XPC: variants seen among roughly 807,000 people sequenced by gnomAD.
XPC encodes the protein XPC complex subunit, DNA damage recognition and repair factor.
In XPC, 76 loss-of-function variants were observed where a neutral mutation model predicts 95.8. The observed-to-expected ratio is 0.79, with a 90% CI of 0.66 to 0.96. XPC has a LOEUF of 0.96. Among genes scored for constraint, XPC ranks in the 40% least tolerant of loss-of-function variants. XPC has a pLI of 0.00. For synonymous variants in XPC, 442 were observed against 442.1 expected, an observed-to-expected ratio of 1.00 and a Z score of 0.00; for missense variants, 1,146 against 1,179.8, an observed-to-expected ratio of 0.97 and a Z score of 0.42.
rs774552303 is a variant in XPC at position 14,148,609 on chromosome 3, G to C, written c.2373C>G (p.Val791=). ...GGAAATCAAAGCCAGTGATGGCCTG[G>C]ACACAGTCGATGTCCAGCTTGCGGG... ...RVARKLDIDC[V]QAITGFDFHG... Residue 791 remains valine (V), a synonymous_variant, in exon 13 of 16, where the codon GTC becomes GTG. Transcript: ENST00000285021. 2.8e-5 allele frequency: 45 copies of C among 1,613,924 alleles called. No individual in the cohort carries two copies. The highest frequency in any genetic ancestry group is 3.6e-5 in the Non-Finnish European group (42 of 1,179,906).
intron 14 of XPC, chr3:14,147,622 G>A (rs1239554387): frequency 1.5e-5 from 9 of 602,134 alleles, no homozygotes; most frequent in Non-Finnish European, 2.6e-5. Flanking sequence ...TAGTGGGTGA[G>A]GTCTTCCAGA....
At chr3:14,146,206 C>A in intron 15 of XPC, 47 bp from the exon 16 acceptor site, 2 of 1,532,504 alleles carry the variant, frequency 1.3e-6, no homozygotes, top group South Asian at 2.4e-5. Flanking sequence ...GGTTAGTAAT[C>A]AGATACCAGG....
intron 1 of XPC, among the ~76,000 whole-genome samples, chr3:14,176,863 G>A (rs565111077): frequency 6.6e-6 from 1 of 152,352 alleles, no homozygotes; most frequent in Non-Finnish European, 1.5e-5. Context: ...CACTTCGGGA[G>A]GCCGAGGCAA....
chr3:14,177,848 T>C (rs879462949), intron 1 of XPC, among the ~76,000 whole-genome samples: 1 of 118,442 alleles, frequency 8.4e-6, no homozygotes, highest in African/African-American at 3.2e-5. Context: ...GTGGACAAAT[T>C]TGAAATACAC....
chr3:14,148,197 A>G, intron 13 of XPC, 196 bp from the exon 14 acceptor site: 1 of 592,758 alleles, frequency 1.7e-6, no homozygotes, highest in East Asian at 2.9e-5. Context: ...TCCTCCCCAG[A>G]TTCTGCCGAA....
intron 9 of XPC, among the ~76,000 whole-genome samples, chr3:14,157,485 T>C (rs1275262101): frequency 6.6e-6 from 1 of 152,122 alleles, no homozygotes; most frequent in Non-Finnish European, 1.5e-5. Flanking sequence ...AGCTGTCATG[T>C]TCTAGAAGTC....
intron 9 of XPC, 82 bp downstream of exon 9, chr3:14,157,929 G>A: frequency 6.7e-7 from 1 of 1,494,400 alleles, no homozygotes; most frequent in Non-Finnish European, 9.0e-7. Context: ...ACATAGTGCT[G>A]GGCATATATA....
rs965497236 is a variant in XPC, at chr3:14,164,897, T to C, written c.816A>G (p.Ser272=). 1 of 1,612,622 alleles carries C rather than the reference T, an allele frequency of 6.2e-7. No individual in the cohort carries two copies. Among genetic ancestry groups the C allele is most frequent in the Non-Finnish European group, 8.5e-7 (1 of 1,179,328 alleles). ...IGTFTVNAEL[S]ASEQDNLQTT... ...TCTGCAGGTTATCTTGTTCACTGGCTGAAAGTTCTGCATTAACTGTAAATG... is the reference window on the plus strand; with the variant it reads ...TCTGCAGGTTATCTTGTTCACTGGCCGAAAGTTCTGCATTAACTGTAAATG... Residue 272 remains serine, a synonymous_variant, in exon 7 of 16, where the codon TCA becomes TCG. Coordinates refer to ENST00000285021, the MANE Select transcript of XPC (RefSeq NM_004628.5).
At chr3:14,173,703 G>A (rs1355034305) in intron 1 of XPC, among the ~76,000 whole-genome samples, 1 of 151,940 alleles carries the variant, frequency 6.6e-6, no homozygotes, top group Non-Finnish European at 1.5e-5. Flanking sequence ...ATAAGCTGCT[G>A]GTTTTAGTCA....
At position 14,170,545 on chromosome 3, in the gene XPC, A is replaced by C; in HGVS notation, c.305T>G (p.Phe102Cys). Reference sequence around the variant, plus strand: ...GTGTGCCTTCTTGAGGTCACTTGGAAAGTCCCTGTGTAAAGACCACAGGAA... The same window carrying C: ...GTGTGCCTTCTTGAGGTCACTTGGACAGTCCCTGTGTAAAGACCACAGGAA... Reference protein sequence around the residue: ...ALSDGDDLRDFPSDLKKAHHL... With the variant: ...ALSDGDDLRDCPSDLKKAHHL... The change falls in exon 3 of 16, where the codon TTT becomes TGT. Residue 102 changes from phenylalanine to cysteine, a missense_variant. Physicochemically the swap from Phe to Cys is radical, Grantham distance 205. Transcript: ENST00000285021. 2 of 1,611,762 alleles carry C rather than the reference A, an allele frequency of 1.2e-6. No homozygotes were observed. The highest frequency in any genetic ancestry group is 2.7e-5 in the African/African-American group (2 of 74,954).
chr3:14,168,390 A>C lies in XPC; in HGVS notation c.413-10T>G. Reference sequence around the variant, plus strand: ...ACAGGCTCACTAAGTTCTATCAACAAGCATTTTTAAAAATCAGTAATAGTA... The same window carrying C: ...ACAGGCTCACTAAGTTCTATCAACACGCATTTTTAAAAATCAGTAATAGTA... On this transcript the variant is annotated splice_polypyrimidine_tract_variant and intron_variant, in intron 3 of 15. Transcript: ENST00000285021. 2 of 1,613,702 alleles carry C rather than the reference A, an allele frequency of 1.2e-6. No homozygotes were observed. Among genetic ancestry groups the C allele is most frequent in the Non-Finnish European group, 1.7e-6 (2 of 1,179,772 alleles).
chr3:14,148,456 A>T, intron 13 of XPC, 106 bp downstream of exon 13: 1 of 1,460,100 alleles, frequency 6.8e-7, no homozygotes. Flanking sequence ...AATTGGAGCC[A>T]CCAGGCCTCA....
chr3:14,146,285 T>TGGGACAGGGCAGGGAGAG (rs1695433851), intron 15 of XPC, 126 bp from the exon 16 acceptor site: 2 of 879,330 alleles, frequency 2.3e-6, no homozygotes, highest in Non-Finnish European at 3.5e-6. Context: ...GACAAGGGCA[T>TGGGACAGGGCAGGGAGAG]GGGACAGGGC....
chr3:14,165,598 A>C lies in XPC; in HGVS notation c.622-13T>G. The C allele has an allele frequency of 6.2e-7, 1 of 1,613,070 alleles. No homozygotes were observed. Among genetic ancestry groups the C allele is most frequent in the Non-Finnish European group, 8.5e-7 (1 of 1,179,534 alleles). ...AGAGAAGGTGAACCTGTGAAGAGGA[A>C]AGGAGGAAGGGGCAGCATGGAAGGA... On this transcript the variant is annotated splice_polypyrimidine_tract_variant and intron_variant, in intron 5 of 15. Transcript: ENST00000285021.
chr3:14,149,029 G>A (rs951455156), intron 11 of XPC, 81 bp from the exon 12 acceptor site: 89 of 1,572,662 alleles, frequency 5.7e-5, no homozygotes, highest in Middle Eastern at 5.2e-4. Flanking sequence ...GCTCAGTGCC[G>A]CATGCCTGGT....
At position 14,159,817 on chromosome 3, in the gene XPC, A is replaced by G; in HGVS notation, c.914T>C (p.Ile305Thr). The change falls in exon 8 of 16, where the codon ATT (isoleucine) becomes ACT (threonine). Residue 305 changes from isoleucine (I) to threonine (T), a missense_variant. Physicochemically the swap from Ile to Thr is moderately conservative, Grantham distance 89 (BLOSUM62 -1). Coordinates refer to ENST00000285021, the MANE Select transcript of XPC (RefSeq NM_004628.5). Reference sequence around the variant, plus strand: ...GGTCAAGAGCTGCAGAGCCCGGAGAATCAGTAAGAATATCTATGATGAAAA... The same window carrying G: ...GGTCAAGAGCTGCAGAGCCCGGAGAGTCAGTAAGAATATCTATGATGAAAA... Reference protein sequence around the residue: ...DEELVHIFLLILRALQLLTRL... With the variant: ...DEELVHIFLLTLRALQLLTRL... 1.9e-6 allele frequency: 3 copies of G among 1,555,584 alleles called. No homozygotes were observed. Among genetic ancestry groups the G allele is most frequent in the Non-Finnish European group, 2.6e-6 (3 of 1,149,126 alleles).
rs1405571702 is a variant in XPC at position 14,158,608 on chromosome 3, G to A, written c.1275C>T (p.Ala425=). The change falls in exon 9 of 16, where the codon GCC becomes GCT. Residue 425 remains alanine (A), a synonymous_variant. Transcript: ENST00000285021. The surrounding 1 kb of genome is among the most constrained non-coding windows in gnomAD (Gnocchi z 5.2). ...RRPHGRERRV[A]SRVSYKEESG... ...TCTCCTCTTTATAAGACACCCTGGA[G>A]GCCACCCGCCGCTCCCGGCCATGCG... 1 of 1,613,624 alleles carries A rather than the reference G, an allele frequency of 6.2e-7. No individual in the cohort carries two copies. Among genetic ancestry groups the A allele is most frequent in the Admixed American group, 1.7e-5 (1 of 59,976 alleles).
intron 1 of XPC, among the ~76,000 whole-genome samples, chr3:14,174,120 C>G (rs1369239210): frequency 6.6e-6 from 1 of 151,940 alleles, no homozygotes; most frequent in Non-Finnish European, 1.5e-5. Flanking sequence ...AACAAAGGAG[C>G]ATTTATTTTA....
intron 4 of XPC, 110 bp from the exon 5 acceptor site, chr3:14,167,363 C>T (rs1271318417): frequency 1.0e-6 from 1 of 985,820 alleles, no homozygotes; most frequent in Non-Finnish European, 1.5e-6. Context: ...CTCCCTGTTT[C>T]CCTACACAAG....
Sources: gnomAD v4.1 joint callset for allele counts (sites outside exome capture counted in the v4.1 genomes callset) on GRCh38, gnomAD v4.1.1 for gene constraint, Gnocchi (gnomAD v3.1) non-coding constraint, MANE v1.5 for transcripts, NCBI Gene and HGNC (gene_info 2026-07-23, HGNC 2026-07-21) for gene names.